ZC3H12B: variants seen among roughly 807,000 people sequenced by gnomAD.
The protein encoded by ZC3H12B is probable ribonuclease ZC3H12B.
ZC3H12B carries 7 observed loss-of-function variants against 43.9 expected under a neutral mutation model. That is an observed-to-expected ratio of 0.16 (90% CI 0.09 to 0.30). The LOEUF is 0.30. Ranked by LOEUF, ZC3H12B falls within the 10% of genes least tolerant of loss-of-function variation. The pLI is 1.00. For synonymous variants in ZC3H12B, 222 were observed against 241.7 expected, an observed-to-expected ratio of 0.92 and a Z score of 0.76; for missense variants, 475 against 670.2, an observed-to-expected ratio of 0.71 and a Z score of 3.22.
chrX:65,266,506 G>A, the ZC3H12B span, among the ~76,000 whole-genome samples: 3 of 111,902 alleles, frequency 2.7e-5, no homozygotes, highest in African/African-American at 6.5e-5. Context: ...ATCAACTTTT[G>A]CAAAATTAGG....
intron 3 of ZC3H12B, among the ~76,000 whole-genome samples, chrX:65,443,459 G>T (rs890398525): frequency 8.9e-6 from 1 of 111,737 alleles, no homozygotes; most frequent in African/African-American, 3.3e-5. Flanking sequence ...GAAATCAGGG[G>T]TCTCACAGCC....
rs1226136084 is a variant in ZC3H12B at position 65,458,921 on chromosome X, G to T, written n.408-29725G>T. On this transcript the variant is annotated intron_variant and non_coding_transcript_variant, in intron 3 of 5. Coordinates refer to the ZC3H12B transcript ENST00000617377. ...CTTCAAAAAACCAATGAATCCAGGA[G>T]CTGGTTTTTTGAAAAGATCAACAAA... is the stretch of plus-strand genomic sequence containing the variant. Among the ~76,000 whole-genome samples, 6 of 111,223 alleles carry T rather than the reference G, an allele frequency of 5.4e-5. No homozygotes were observed. The East Asian group carries it at 1.4e-3, about 26-fold the overall frequency.
chrX:65,458,062 T>TAAAAAAAAAAAAAAAAAAAAAATAAAA (rs56840636), intron 3 of ZC3H12B, among the ~76,000 whole-genome samples: 3 of 15,871 alleles, frequency 1.9e-4, no homozygotes, highest in Admixed American at 9.2e-4. Flanking sequence ...GAATGATCAA[T>TAAAAAAAAAAAAAAAAAAAAAATAAAA]AAAAAAAAAA....
the ZC3H12B span, among the ~76,000 whole-genome samples, chrX:65,050,736 A>G: frequency 2.3e-4 from 26 of 111,456 alleles, no homozygotes; most frequent in Non-Finnish European, 1.3e-4. Context: ...GTGATTTTTT[A>G]TATGGTTAGC....
chrX:65,132,127 C>T, the ZC3H12B span, among the ~76,000 whole-genome samples: 1 of 110,801 alleles, frequency 9.0e-6, no homozygotes, highest in Non-Finnish European at 1.9e-5. Context: ...GTGAAAAAAG[C>T]ATCTTTAAGA....
At chrX:65,373,986 A>ATATATATATAC (rs1569379792) in intron 2 of ZC3H12B, among the ~76,000 whole-genome samples, 3 of 28,899 alleles carry the variant, frequency 1.0e-4, no homozygotes, top group African/African-American at 4.8e-4. Flanking sequence ...TATATATACT[A>ATATATATATAC]TATATATATA....
chrX:65,440,641 G>C (rs2067289964), intron 3 of ZC3H12B, among the ~76,000 whole-genome samples: 1 of 112,303 alleles, frequency 8.9e-6, no homozygotes, highest in Admixed American at 9.4e-5. Flanking sequence ...CAAAGGGATA[G>C]TAAAGAAACA....
chrX:65,473,114 A>G (rs2067949495), intron 3 of ZC3H12B, among the ~76,000 whole-genome samples: 1 of 104,791 alleles, frequency 9.5e-6, no homozygotes, highest in Non-Finnish European at 1.9e-5. Context: ...CCCGGGTTCA[A>G]GCAATTCTTC....
At chrX:65,190,173 C>G in the ZC3H12B span, among the ~76,000 whole-genome samples, 1 of 110,418 alleles carries the variant, frequency 9.1e-6, no homozygotes, top group African/African-American at 3.3e-5. Context: ...GTTTTGGTAC[C>G]AGTACCATGC....
the ZC3H12B span, among the ~76,000 whole-genome samples, chrX:65,064,644 G>A: frequency 8.9e-6 from 1 of 111,773 alleles, no homozygotes; most frequent in Non-Finnish European, 1.9e-5. Flanking sequence ...AGAGTCTGTA[G>A]ATGTCTATTA....
intron 4 of ZC3H12B, 56 bp downstream of exon 9, chrX:65,500,045 T>C (rs41312136): frequency 4.3e-5 from 40 of 927,854 alleles, no homozygotes; most frequent in Non-Finnish European, 6.0e-5. Flanking sequence ...AAGGATTCTG[T>C]GAACACTTTT....
chrX:65,219,426 G>A, the ZC3H12B span, among the ~76,000 whole-genome samples: 1 of 111,159 alleles, frequency 9.0e-6, no homozygotes, highest in African/African-American at 3.3e-5. Flanking sequence ...ATATGAATGG[G>A]GAAAAGTCCA....
At chrX:65,475,075 T>G (rs757108545) in intron 3 of ZC3H12B, among the ~76,000 whole-genome samples, 10 of 112,510 alleles carry the variant, frequency 8.9e-5, no homozygotes, top group African/African-American at 3.2e-4. Flanking sequence ...AGCTTAAATA[T>G]CATACAAAAA....
chrX:65,267,823 G>C, the ZC3H12B span, among the ~76,000 whole-genome samples: 1 of 110,884 alleles, frequency 9.0e-6, no homozygotes, highest in Non-Finnish European at 1.9e-5. Context: ...TTTTTTAAAG[G>C]ATATTAAAAA....
At chrX:65,290,691 G>A in the ZC3H12B span, among the ~76,000 whole-genome samples, 4 of 111,163 alleles carry the variant, frequency 3.6e-5, no homozygotes, top group Admixed American at 9.6e-5. Flanking sequence ...ATGAAATCAC[G>A]TCATTTTCAG....
the ZC3H12B span, among the ~76,000 whole-genome samples, chrX:65,206,147 G>C: frequency 9.0e-6 from 1 of 111,586 alleles, no homozygotes; most frequent in Non-Finnish European, 1.9e-5. Context: ...TCTTCACACA[G>C]CTAGAAAATA....
At chrX:65,181,785 T>C in the ZC3H12B span, among the ~76,000 whole-genome samples, 5 of 111,857 alleles carry the variant, frequency 4.5e-5, no homozygotes, top group East Asian at 2.8e-4. Context: ...GAAATAGTAA[T>C]GCTTTTACAC....
rs1033554486 is a variant in ZC3H12B at position 65,445,431 on chromosome X, C to T, written n.408-43215C>T. ...ACTGTAGTCTTGGTTGTCTTGGGTA[C>T]GATTCAAGAGAAATCCCTGGATTAC... On this transcript the variant is annotated intron_variant and non_coding_transcript_variant, in intron 3 of 5. Coordinates refer to the ZC3H12B transcript ENST00000617377. Among the ~76,000 whole-genome samples, 8 of 112,554 alleles carry T rather than the reference C, an allele frequency of 7.1e-5. 1 individual carries two copies. The Middle Eastern group carries it at 0.014, about 195-fold the overall frequency.
intron 2 of ZC3H12B, among the ~76,000 whole-genome samples, chrX:65,398,010 T>C (rs1168427719): frequency 2.7e-5 from 3 of 111,746 alleles, no homozygotes; most frequent in Non-Finnish European, 5.7e-5. Context: ...AAAGAAATCA[T>C]GAAGGTAATC....
Sources: gnomAD v4.1 joint callset for allele counts (sites outside exome capture counted in the v4.1 genomes callset) on GRCh38, gnomAD v4.1.1 for gene constraint, MANE v1.5 for transcripts, NCBI Gene and HGNC (gene_info 2026-07-23, HGNC 2026-07-21) for gene names.